The following CEBPZOS variants were observed in gnomAD, a reference collection of about 807,000 sequenced individuals.
CEBPZOS encodes CEBPZ opposite strand, also known as protein CEBPZOS.
A neutral mutation model predicts 4.8 loss-of-function variants in CEBPZOS; 10 were observed. That is an observed-to-expected ratio of 2.07 (90% CI 1.28 to 3.52). The LOEUF is 3.52. CEBPZOS is among the 30% of genes most tolerant of loss of function. The pLI is 0.00. For missense variants in CEBPZOS, 98 were observed against 43.6 expected (o/e 2.25, Z -3.51); for synonymous variants, 25 against 14.2 (o/e 1.77, Z -1.72).
intron 4 of CEBPZOS, chr2:37,212,287 T>C (rs1558471046): frequency 6.5e-7 from 1 of 1,531,536 alleles, no homozygotes. Context: ...GGGACAACAA[T>C]TTGGGAAATG....
Position 37,202,644 on chromosome 2 carries a change from C to CAAAAAAAAAAAAAAAAAAAAAAAA in CEBPZOS, c.*809_*832dup, listed in dbSNP as rs56340587. ...TGGGCAAGGGAGTGAGACGCTGTCT[C>CAAAAAAAAAAAAAAAAAAAAAAAA]AAAAAAAAAAAAAAAAAAAAAAAAA... On this transcript the variant is annotated 3_prime_UTR_variant, in exon 5 of 5. Transcript: ENST00000402297. The CAAAAAAAAAAAAAAAAAAAAAAAA allele has an allele frequency of 1.0e-5, 2 of 192,918 alleles. No homozygotes were observed. Among genetic ancestry groups the CAAAAAAAAAAAAAAAAAAAAAAAA allele is most frequent in the Non-Finnish European group, 1.7e-5 (2 of 117,380 alleles). 12.0% of individuals were successfully genotyped at this position (192,918 alleles called of 1,614,324 possible).
At chr2:37,200,632 G>C (rs1449727470) in intron 2 of CEBPZOS, among the ~76,000 whole-genome samples, 1 of 150,390 alleles carries the variant, frequency 6.6e-6, no homozygotes, top group Non-Finnish European at 1.5e-5. Context: ...CTCAGTCTGG[G>C]CTAAACATAA....
At chr2:37,201,437 A>G (rs1677225528) in intron 3 of CEBPZOS, 3 of 536,700 alleles carry the variant, frequency 5.6e-6, no homozygotes, top group Non-Finnish European at 6.6e-6. Context: ...AGACTGAACA[A>G]GATGACATCA....
chr2:37,201,121 A>G (rs1222623178), intron 3 of CEBPZOS, 29 bp downstream of exon 3: 1 of 707,682 alleles, frequency 1.4e-6, no homozygotes, highest in Non-Finnish European at 2.6e-6. Flanking sequence ...AAAAATAAGT[A>G]TAAAACAACT....
chr2:37,212,663 A>G (rs1677760637), intron 4 of CEBPZOS: 1 of 463,954 alleles, frequency 2.2e-6, no homozygotes, highest in Middle Eastern at 6.1e-4. Context: ...AATATCAAAT[A>G]AAATGATATT....
intron 1 of CEBPZOS, among the ~76,000 whole-genome samples, chr2:37,199,439 G>T (rs1677104251): frequency 6.6e-6 from 1 of 152,090 alleles, no homozygotes; most frequent in Non-Finnish European, 1.5e-5. Flanking sequence ...TCCGTAAATT[G>T]TTCTTTTTAC....
At chr2:37,211,139 A>C (rs1677709158) in intron 4 of CEBPZOS, 4 of 1,146,010 alleles carry the variant, frequency 3.5e-6, no homozygotes, top group Non-Finnish European at 5.2e-6. Context: ...ACTGGAAAAT[A>C]TTACTCCAAG....
At chr2:37,211,507 G>A (rs1677719582) in intron 4 of CEBPZOS, 3 of 255,102 alleles carry the variant, frequency 1.2e-5, no homozygotes, top group Non-Finnish European at 2.2e-5. Flanking sequence ...CTTCATCTAT[G>A]CTGGGCTATG....
chr2:37,201,088 G>A lies in CEBPZOS; in HGVS notation c.156G>A (p.Leu52=), dbSNP rs751144971. The change falls in exon 3 of 5, where the codon TTG becomes TTA. Residue 52 remains leucine (L), a synonymous_variant. Transcript: ENST00000402297. The part of the protein sequence containing the change: ...QTMSKKYPFI[L]EVYYKSTEKS... Reference sequence around the variant, plus strand: ...TGAGCAAGAAATATCCCTTCATCTTGGAAGGTATGTTTTTCCTTAAGTAAA... The same window carrying A: ...TGAGCAAGAAATATCCCTTCATCTTAGAAGGTATGTTTTTCCTTAAGTAAA... 1 of 714,994 alleles carries A rather than the reference G, an allele frequency of 1.4e-6. No homozygotes were observed. Among genetic ancestry groups the A allele is most frequent in the South Asian group, 1.5e-5 (1 of 66,712 alleles). The allele number at this position is 714,994 out of a possible 1,614,324, so 44.3% of individuals were successfully genotyped here. A position where few individuals can be genotyped will look rare whatever the true frequency, so the allele number is the denominator to read the frequency against.
At chr2:37,212,560 C>T (rs1436239805) in intron 4 of CEBPZOS, 1 of 598,014 alleles carries the variant, frequency 1.7e-6, no homozygotes, top group Non-Finnish European at 2.9e-6. Context: ...TGTATACAAA[C>T]CTGTGAAATA....
intron 4 of CEBPZOS, chr2:37,210,164 C>G (rs905764834): frequency 3.3e-5 from 5 of 152,130 alleles, no homozygotes; most frequent in Non-Finnish European, 7.4e-5. Context: ...GGGAACACTT[C>G]TACATTGCTG....
At chr2:37,215,942 TAATAAA>T (rs1362027683), downstream of CEBPZOS, among the ~76,000 whole-genome samples, 3 of 142,064 alleles carry the variant, frequency 2.1e-5, no homozygotes, top group Admixed American at 7.1e-5. Context: ...AAATTTGCTG[TAATAAA>T]GTTAAAAAAA....
At chr2:37,211,812 C>T in intron 4 of CEBPZOS, 2 of 1,467,920 alleles carry the variant, frequency 1.4e-6, no homozygotes, top group South Asian at 1.3e-5. Flanking sequence ...GAGGAAGACA[C>T]AGTTTATGTC....
At chr2:37,205,922 G>A (rs74911265), downstream of CEBPZOS, among the ~76,000 whole-genome samples, 17 of 152,304 alleles carry the variant, frequency 1.1e-4, no homozygotes, top group East Asian at 3.3e-3. Flanking sequence ...ATGGATTATT[G>A]CAAGGGTCAA....
At position 37,199,770 on chromosome 2, in the gene CEBPZOS, A is replaced by C. The variant is rs1226180940; in HGVS notation, c.66A>C (p.Val22=). Residue 22 remains valine (V), a synonymous_variant, in exon 2 of 5, where the codon GTA becomes GTC. Transcript: ENST00000402297. ...AAGGAGTTTTGGTAGCCGAACTTGTAGGCGTTTTTGGAGCATATTTTTTGT... is the reference window on the plus strand; with the variant it reads ...AAGGAGTTTTGGTAGCCGAACTTGTCGGCGTTTTTGGAGCATATTTTTTGT... The part of the protein sequence containing the change: ...IFKGVLVAEL[V]GVFGAYFLFS... The C allele has an allele frequency of 4.2e-6, 3 of 717,516 alleles. No individual in the cohort carries two copies. In the African/African-American group the frequency reaches 5.2e-5, roughly 13 times the overall value. 44.4% of individuals were successfully genotyped at this position (717,516 alleles called of 1,614,324 possible). A position where few individuals can be genotyped will look rare whatever the true frequency, so the allele number is the denominator to read the frequency against.
intron 1 of CEBPZOS, chr2:37,197,224 A>C (rs141714119): frequency 6.6e-6 from 1 of 152,520 alleles, no homozygotes; most frequent in Non-Finnish European, 1.5e-5. Flanking sequence ...TGCCGCAGCT[A>C]GTAAACCTCA....
At position 37,202,506 on chromosome 2, in the gene CEBPZOS, G is replaced by A. The variant is rs1442517973; in HGVS notation, c.*646G>A. On this transcript the variant is annotated 3_prime_UTR_variant, in exon 5 of 5. Coordinates refer to ENST00000402297, the MANE Select transcript of CEBPZOS (RefSeq NM_001322374.2). ...CTAAAAATACAAAAATTAGCTGGGC[G>A]TGGTGGTGCATGCCTGTAATCCCAG... The A allele has an allele frequency of 8.2e-6, 2 of 242,504 alleles. No homozygotes were observed. Among genetic ancestry groups the A allele is most frequent in the Non-Finnish European group, 1.6e-5 (2 of 124,326 alleles). The allele number at this position is 242,504 out of a possible 1,614,324, so 15.0% of individuals were successfully genotyped here.
downstream of CEBPZOS, among the ~76,000 whole-genome samples, chr2:37,206,648 A>G (rs185940690): frequency 9.1e-4 from 138 of 152,248 alleles, 1 homozygote; most frequent in East Asian, 0.017. Context: ...GAGCCACTAC[A>G]CTCAGCCTAG....
chr2:37,200,037 A>C lies in CEBPZOS; in HGVS notation c.115+218A>C, dbSNP rs143330177. Among the ~76,000 whole-genome samples, 10 of 152,270 alleles carry C rather than the reference A, an allele frequency of 6.6e-5. No individual in the cohort carries two copies. In the East Asian group the frequency reaches 1.9e-3, roughly 29 times the overall value. On this transcript the variant is annotated intron_variant, in intron 2 of 4. Coordinates refer to ENST00000402297, the MANE Select transcript of CEBPZOS (RefSeq NM_001322374.2). ...ATGTTGTTTGTGGGCTAAGGAAAAA[A>C]TTTCATACCTCCATGGATTTTACTA...
Sources: allele counts gnomAD v4.1 joint callset (sites outside exome capture counted in the v4.1 genomes callset), GRCh38; gene constraint gnomAD v4.1.1; transcripts MANE v1.5; gene names NCBI Gene and HGNC (gene_info 2026-07-23, HGNC 2026-07-21).